SLC25A48: variants seen among roughly 807,000 people sequenced by gnomAD.
SLC25A48 encodes solute carrier family 25 member 48, also known as CTC-321K16.1.
Under a neutral mutation model 32.2 loss-of-function variants are expected in SLC25A48, and 29 were observed. The ratio of observed to expected loss-of-function variants is 0.90; its 90% CI spans 0.67 to 1.23. The LOEUF is 1.23. Ranked by LOEUF, SLC25A48 falls within the 50% of genes most tolerant of loss-of-function variation. The pLI is 0.00. For synonymous variants in SLC25A48, 164 were observed against 172.3 expected (o/e 0.95, Z 0.38); for missense variants, 399 against 422.7 (o/e 0.94, Z 0.49).
rs1757820485 is a variant in SLC25A48 at position 135,819,370 on chromosome 5, A to G, written c.-117+6444A>G. ...AACAGCTAGAGAAGAATGGCACACT[A>G]CATACAGTAGAATAACAACAGGGAT... On this transcript the variant is annotated intron_variant, in intron 4 of 10. Transcript: ENST00000646290. 2.0e-5 allele frequency among the ~76,000 whole-genome samples: 3 copies of G among 152,176 alleles called. No individual in the cohort carries two copies. In the South Asian group the frequency reaches 6.2e-4, roughly 31 times the overall value.
intron 3 of SLC25A48, among the ~76,000 whole-genome samples, chr5:135,746,789 C>T (rs1021838631): frequency 6.6e-6 from 1 of 152,128 alleles, no homozygotes; most frequent in South Asian, 2.1e-4. Context: ...ACCCCTCCCA[C>T]CCTAGATTCA....
chr5:135,815,795 A>G (rs1279169088), intron 4 of SLC25A48, among the ~76,000 whole-genome samples: 1 of 152,190 alleles, frequency 6.6e-6, no homozygotes, highest in African/African-American at 2.4e-5. Context: ...TGTTCTTGCC[A>G]TATCTGATTA....
chr5:135,726,269 A>C (rs1398621561), intron 3 of SLC25A48, among the ~76,000 whole-genome samples: 1 of 152,246 alleles, frequency 6.6e-6, no homozygotes, highest in Non-Finnish European at 1.5e-5. Context: ...AGATCATTGT[A>C]GGTTCACATG....
chr5:135,756,158 CTA>C (rs1051922538), intron 3 of SLC25A48, among the ~76,000 whole-genome samples: 1 of 151,612 alleles, frequency 6.6e-6, no homozygotes, highest in African/African-American at 2.4e-5. Context: ...TGTCAACACA[CTA>C]TGATATTAAT....
chr5:135,734,727 G>A (rs1303709443), intron 3 of SLC25A48, among the ~76,000 whole-genome samples: 1 of 151,720 alleles, frequency 6.6e-6, no homozygotes, highest in Admixed American at 6.6e-5. Context: ...TGAGGCAGGA[G>A]AGTGGCGTGA....
chr5:135,873,123 G>T (rs1164803321), intron 5 of SLC25A48, among the ~76,000 whole-genome samples: 1 of 152,204 alleles, frequency 6.6e-6, no homozygotes, highest in Non-Finnish European at 1.5e-5. Flanking sequence ...CTGGCAGAAG[G>T]CACAGGTTTA....
At chr5:135,726,322 GT>G (rs1477419049) in intron 3 of SLC25A48, among the ~76,000 whole-genome samples, 1 of 152,192 alleles carries the variant, frequency 6.6e-6, no homozygotes, top group Non-Finnish European at 1.5e-5. Flanking sequence ...CCTTTACCCA[GT>G]TTCTTCCAAT....
At position 135,688,477 on chromosome 5, in the gene SLC25A48, G is replaced by T. The variant is rs574760062; in HGVS notation, c.-521+53521G>T. 2.7e-3 allele frequency among the ~76,000 whole-genome samples: 417 copies of T among 152,288 alleles called. 1 individual carries two copies. Among genetic ancestry groups the T allele is most frequent in the Non-Finnish European group, 4.3e-3 (294 of 68,022 alleles). ...GTCTATGAAGAAGTTCAGCAACACT[G>T]AAGAAGTCATAGAATGATTTATTGC... On this transcript the variant is annotated intron_variant, in intron 3 of 10. Transcript: ENST00000646290.
At chr5:135,812,416 A>T (rs1757612019) in intron 3 of SLC25A48, 1 of 152,224 alleles carries the variant, frequency 6.6e-6, no homozygotes, top group South Asian at 2.1e-4. Context: ...GAATTAATTT[A>T]TAGACAAACT....
chr5:135,770,084 C>CT (rs1756364413), intron 3 of SLC25A48, among the ~76,000 whole-genome samples: 2 of 121,202 alleles, frequency 1.7e-5, no homozygotes, highest in African/African-American at 5.1e-5. Context: ...TTCCTAATAG[C>CT]CGGGGGGGAG....
intron 3 of SLC25A48, among the ~76,000 whole-genome samples, chr5:135,704,305 C>A (rs1157147060): frequency 1.3e-5 from 2 of 152,212 alleles, no homozygotes; most frequent in Non-Finnish European, 2.9e-5. Flanking sequence ...ATATCAGATG[C>A]CCCAGCCCTG....
At position 135,734,720 on chromosome 5, in the gene SLC25A48, G is replaced by A. The variant is rs1388362460; in HGVS notation, c.-520-77803G>A. On this transcript the variant is annotated intron_variant, in intron 3 of 10. Transcript: ENST00000646290. ...TAGTCCCAGCTACTCAGGAGGCTGAGGCAGGAGAGTGGCGTGAACCTGGGA... is the reference window on the plus strand; with the variant it reads ...TAGTCCCAGCTACTCAGGAGGCTGAAGCAGGAGAGTGGCGTGAACCTGGGA... Among the ~76,000 whole-genome samples, 3 of 151,968 alleles carry A rather than the reference G, an allele frequency of 2.0e-5. No individual in the cohort carries two copies. In the East Asian group the frequency reaches 5.8e-4, roughly 29 times the overall value.
intron 3 of SLC25A48, among the ~76,000 whole-genome samples, chr5:135,738,200 G>A (rs555272163): frequency 2.0e-5 from 3 of 152,236 alleles, no homozygotes; most frequent in Admixed American, 6.5e-5. Context: ...GTAAGGATGC[G>A]AAAAGCAGAT....
chr5:135,734,220 G>T (rs1242854162), intron 3 of SLC25A48, among the ~76,000 whole-genome samples: 7 of 152,116 alleles, frequency 4.6e-5, no homozygotes, highest in Admixed American at 1.3e-4. Flanking sequence ...GGGTTAAGGT[G>T]GGGGGATACG....
At chr5:135,814,845 G>A (rs1052111226) in intron 4 of SLC25A48, among the ~76,000 whole-genome samples, 1 of 152,214 alleles carries the variant, frequency 6.6e-6, no homozygotes, top group Non-Finnish European at 1.5e-5. Context: ...ATCCAGGCTG[G>A]TCTCTGGGCA....
At chr5:135,777,488 G>A (rs1033209539) in intron 3 of SLC25A48, among the ~76,000 whole-genome samples, 2 of 151,548 alleles carry the variant, frequency 1.3e-5, no homozygotes, top group African/African-American at 4.8e-5. Context: ...CTAATATCCA[G>A]GGGGGAGAGG....
intron 3 of SLC25A48, among the ~76,000 whole-genome samples, chr5:135,809,963 A>G (rs538542207): frequency 1.1e-3 from 160 of 152,174 alleles, no homozygotes; most frequent in African/African-American, 3.5e-3. Context: ...TCAGCCTCCT[A>G]TGTACCTGGG....
At chr5:135,674,898 T>C (rs1348194187) in intron 3 of SLC25A48, among the ~76,000 whole-genome samples, 1 of 106,108 alleles carries the variant, frequency 9.4e-6, no homozygotes, top group Admixed American at 9.9e-5. Flanking sequence ...ATGGTCATTC[T>C]ATTTTTAGTG....
At chr5:135,790,564 T>C (rs192709209) in intron 3 of SLC25A48, among the ~76,000 whole-genome samples, 2 of 135,728 alleles carry the variant, frequency 1.5e-5, no homozygotes, top group East Asian at 3.9e-4. Context: ...ATATTTCTCC[T>C]AATGTCACAG....
Sources: allele counts gnomAD v4.1 joint callset (sites outside exome capture counted in the v4.1 genomes callset), GRCh38; gene constraint gnomAD v4.1.1; transcripts MANE v1.5; gene names NCBI Gene and HGNC (gene_info 2026-07-23, HGNC 2026-07-21).